Variants in SORCS1 observed in about 807,000 individuals in gnomAD.
The protein encoded by SORCS1 is VPS10 domain-containing receptor SorCS1.
Under a neutral mutation model 146.1 loss-of-function variants are expected in SORCS1, and 60 were observed. The observed-to-expected ratio is 0.41, with a 90% confidence interval of 0.33 to 0.51. The LOEUF (loss-of-function observed/expected upper bound fraction) is 0.51, where lower values mean the gene tolerates loss of function less well. Ranked by LOEUF, SORCS1 falls within the 20% of genes least tolerant of loss-of-function variation. SORCS1 has a pLI of 0.21. For missense variants in SORCS1, 1,352 were observed against 1,487.6 expected, an observed-to-expected ratio of 0.91 and a Z score of 1.50; for synonymous variants, 637 against 584.0, an observed-to-expected ratio of 1.09 and a Z score of -1.31.
chr10:106,588,528 C>CCACCGT (rs1176795865), intron 24 of SORCS1, among the ~76,000 whole-genome samples: 1 of 151,970 alleles, frequency 6.6e-6, no homozygotes, highest in Non-Finnish European at 1.5e-5. Context: ...AGTGAAGAGG[C>CCACCGT]CACCGTCGTA....
intron 2 of SORCS1, among the ~76,000 whole-genome samples, chr10:106,943,367 A>G (rs1954149435): frequency 1.3e-5 from 2 of 152,240 alleles, no homozygotes; most frequent in Non-Finnish European, 2.9e-5. Flanking sequence ...GTTCCTATGA[A>G]CACAGCTTCT....
chr10:106,641,697 T>A (rs188331033), intron 18 of SORCS1, among the ~76,000 whole-genome samples: 1 of 152,296 alleles, frequency 6.6e-6, no homozygotes, highest in East Asian at 1.9e-4. Flanking sequence ...GGAACTGCAA[T>A]CAGGAGTGAC....
At chr10:107,143,620 C>T (rs537257958) in intron 1 of SORCS1, among the ~76,000 whole-genome samples, 21 of 152,324 alleles carry the variant, frequency 1.4e-4, no homozygotes, top group African/African-American at 4.6e-4. Context: ...TCTCCTGCCT[C>T]AGCCTCCTGA....
chr10:106,910,476 G>A (rs751959841), intron 2 of SORCS1, among the ~76,000 whole-genome samples: 3 of 152,144 alleles, frequency 2.0e-5, no homozygotes, highest in Non-Finnish European at 2.9e-5. Context: ...CCTCTTAAAT[G>A]TTTGCCTTAG....
At chr10:106,851,098 A>T (rs1330139020) in intron 2 of SORCS1, among the ~76,000 whole-genome samples, 1 of 152,344 alleles carries the variant, frequency 6.6e-6, no homozygotes, top group Admixed American at 6.5e-5. Context: ...TGTATATTGT[A>T]TATGACAGGC....
intron 1 of SORCS1, among the ~76,000 whole-genome samples, chr10:107,045,818 C>A (rs956728604): frequency 6.7e-5 from 7 of 105,130 alleles, no homozygotes; most frequent in East Asian, 2.8e-4. Flanking sequence ...TGTTCTTATT[C>A]TGTCACCCAG....
At chr10:107,028,227 C>T (rs1287051495) in intron 1 of SORCS1, among the ~76,000 whole-genome samples, 1 of 152,186 alleles carries the variant, frequency 6.6e-6, no homozygotes, top group Admixed American at 6.5e-5. Flanking sequence ...CCAGCGTTTA[C>T]ACTAACATAT....
intron 6 of SORCS1, among the ~76,000 whole-genome samples, chr10:106,728,124 T>C (rs138526563): frequency 0.015 from 2,307 of 152,086 alleles, 61 homozygotes; most frequent in African/African-American, 0.053. Context: ...CTCCGCCTCC[T>C]GGGTTCAAGT....
chr10:106,864,688 T>C (rs2137488913), intron 2 of SORCS1, among the ~76,000 whole-genome samples: 1 of 152,142 alleles, frequency 6.6e-6, no homozygotes, highest in Non-Finnish European at 1.5e-5. Flanking sequence ...AGCCAGCCAC[T>C]GGTAGCAACA....
intron 1 of SORCS1, among the ~76,000 whole-genome samples, chr10:107,053,687 G>T (rs1000787503): frequency 6.6e-6 from 1 of 152,138 alleles, no homozygotes; most frequent in African/African-American, 2.4e-5. Flanking sequence ...AAAAGAAGAG[G>T]CAAATCAAAT....
intron 1 of SORCS1, among the ~76,000 whole-genome samples, chr10:107,139,651 A>G (rs539653520): frequency 4.5e-4 from 68 of 152,332 alleles, no homozygotes; most frequent in African/African-American, 1.6e-3. Context: ...ACGCAGTTTC[A>G]TCACCAAATG....
At chr10:106,933,737 C>T (rs1381558861) in intron 2 of SORCS1, among the ~76,000 whole-genome samples, 2 of 152,138 alleles carry the variant, frequency 1.3e-5, no homozygotes, top group East Asian at 3.9e-4. Flanking sequence ...GAGGACTCTA[C>T]AACTTGTAGA....
Position 106,956,425 on chromosome 10 carries a change from T to G in SORCS1, c.626+88A>C, listed in dbSNP as rs530455511. ...CAAGCAGTGCATATCACCAGGAACC[T>G]TCCTGCCAGGAAAAAGTGGGTGGGA... On this transcript the variant is annotated intron_variant, in intron 2 of 25. Transcript: ENST00000263054. The G allele has an allele frequency of 4.1e-6, 5 of 1,228,498 alleles. No homozygotes were observed. In the East Asian group the frequency reaches 1.2e-4, roughly 29 times the overall value. The allele number at this position is 1,228,498 out of a possible 1,614,324, so 76.1% of individuals were successfully genotyped here.
intron 19 of SORCS1, among the ~76,000 whole-genome samples, chr10:106,625,713 G>C (rs1203690959): frequency 6.6e-6 from 1 of 152,126 alleles, no homozygotes; most frequent in Non-Finnish European, 1.5e-5. Flanking sequence ...CTATATAAGG[G>C]AACAGATAAG....
At chr10:106,879,000 A>AG (rs1174581443) in intron 2 of SORCS1, among the ~76,000 whole-genome samples, 1 of 151,872 alleles carries the variant, frequency 6.6e-6, no homozygotes, top group Non-Finnish European at 1.5e-5. Context: ...ACAAAAAAAA[A>AG]GTAGCCGGAC....
chr10:106,600,469 C>A, intron 23 of SORCS1: 1 of 983,174 alleles, frequency 1.0e-6, no homozygotes, highest in Non-Finnish European at 1.2e-6. Flanking sequence ...CAATTAGAAC[C>A]ATGTGCTTTT....
In SORCS1 at chr10:106,720,496, C is replaced by T. The variant is rs184628065; in HGVS notation, c.1024+9554G>A. On this transcript the variant is annotated intron_variant, in intron 6 of 25. Transcript: ENST00000263054. The stretch of plus-strand genomic sequence containing the variant: ...ATAGGAATATAATGCATGATCCTAG[C>T]ATCACTGTCACTTGAGAATTTAGAG... Among the ~76,000 whole-genome samples, 19 of 151,000 alleles carry T rather than the reference C, an allele frequency of 1.3e-4. No individual in the cohort carries two copies. In the East Asian group the frequency reaches 3.7e-3, roughly 29 times the overall value.
chr10:106,731,275 G>C (rs1453740619), intron 5 of SORCS1, among the ~76,000 whole-genome samples: 2 of 142,556 alleles, frequency 1.4e-5, no homozygotes, highest in Non-Finnish European at 3.0e-5. Flanking sequence ...CCTGGGTGAC[G>C]GAGTGAGACT....
At chr10:106,682,053 G>A (rs367626134) in intron 10 of SORCS1, among the ~76,000 whole-genome samples, 5 of 152,090 alleles carry the variant, frequency 3.3e-5, no homozygotes, top group South Asian at 4.1e-4. Flanking sequence ...ACTCAAACCC[G>A]GGAGGTGGAG....
Sources: gnomAD v4.1 joint callset for allele counts (sites outside exome capture counted in the v4.1 genomes callset) on GRCh38, gnomAD v4.1.1 for gene constraint, MANE v1.5 for transcripts, NCBI Gene and HGNC (gene_info 2026-07-23, HGNC 2026-07-21) for gene names.